MORC1: variants seen among roughly 807,000 people sequenced by gnomAD.
MORC1 encodes MORC family CW-type zinc finger protein 1.
In MORC1, 59 loss-of-function variants were observed where a neutral mutation model predicts 134.9. That is an observed-to-expected ratio of 0.44 (90% CI 0.35 to 0.54). The LOEUF is 0.54. MORC1 is among the 20% of genes least tolerant of loss of function. MORC1 has a pLI of 0.00. For missense variants in MORC1, 947 were observed against 1,134.5 expected, an observed-to-expected ratio of 0.83 and a Z score of 2.37; for synonymous variants, 395 against 391.7, an observed-to-expected ratio of 1.01 and a Z score of -0.10.
intron 8 of MORC1, among the ~76,000 whole-genome samples, chr3:109,083,004 A>G (rs1045130782): frequency 3.9e-5 from 6 of 152,220 alleles, no homozygotes; most frequent in African/African-American, 1.4e-4. Context: ...CAACAGTCAA[A>G]GACAAAGAGA....
chr3:109,039,624 T>C (rs942208551), intron 14 of MORC1, among the ~76,000 whole-genome samples: 8 of 152,144 alleles, frequency 5.3e-5, no homozygotes, highest in Non-Finnish European at 1.5e-5. Flanking sequence ...TCATTTCAGC[T>C]CTCAGCCAGT....
chr3:108,986,240 G>T (rs980143342), intron 22 of MORC1, among the ~76,000 whole-genome samples: 17 of 152,080 alleles, frequency 1.1e-4, no homozygotes, highest in African/African-American at 3.4e-4. Flanking sequence ...AATAACATTA[G>T]AATGCATAAT....
At chr3:109,016,426 A>T (rs546921690) in intron 17 of MORC1, among the ~76,000 whole-genome samples, 1 of 152,188 alleles carries the variant, frequency 6.6e-6, no homozygotes, top group African/African-American at 2.4e-5. Context: ...AAAAAAAGTT[A>T]AGATTTTTAG....
At chr3:109,107,636 G>C (rs1951067427) in intron 3 of MORC1, among the ~76,000 whole-genome samples, 1 of 152,092 alleles carries the variant, frequency 6.6e-6, no homozygotes, top group South Asian at 2.1e-4. Context: ...ACAATAATTC[G>C]AGGCCACAGT....
intron 17 of MORC1, among the ~76,000 whole-genome samples, chr3:109,009,200 T>G (rs1948622265): frequency 7.2e-6 from 1 of 138,136 alleles, no homozygotes; most frequent in African/African-American, 2.8e-5. Flanking sequence ...TTTTTACGTT[T>G]TTTGTTGTTT....
Position 108,971,347 on chromosome 3 carries a change from G to C in MORC1, c.2533C>G (p.Pro845Ala), listed in dbSNP as rs762064085. 9 of 1,613,320 alleles carry C rather than the reference G, an allele frequency of 5.6e-6. No homozygotes were observed. Among genetic ancestry groups the C allele is most frequent in the Non-Finnish European group, 6.8e-6 (8 of 1,179,632 alleles). Residue 845 changes from proline (P) to alanine (A), a missense_variant, in exon 25 of 28, where the codon CCT (proline) becomes GCT (alanine). Around this residue, in one of 3 missense-constraint regions of MORC1, gnomAD observed 722 missense variants for 817.0 expected, o/e 0.88. Transcript: ENST00000232603. ...EHQLPSELEE[P>A]ALSCELEQCP... Reference sequence around the variant, plus strand: ...CAGCTTACCTCACAACTTAATGCAGGTTCTTCCAATTCTGATGGTAGCTGA... The same window carrying C: ...CAGCTTACCTCACAACTTAATGCAGCTTCTTCCAATTCTGATGGTAGCTGA...
intron 8 of MORC1, among the ~76,000 whole-genome samples, chr3:109,080,340 G>A (rs1950499493): frequency 6.6e-6 from 1 of 152,092 alleles, no homozygotes; most frequent in Admixed American, 6.6e-5. Context: ...ATCACATCTT[G>A]TTGGACTTAC....
intron 2 of MORC1, among the ~76,000 whole-genome samples, chr3:109,112,326 T>G (rs1435629744): frequency 6.6e-6 from 1 of 152,214 alleles, no homozygotes; most frequent in Non-Finnish European, 1.5e-5. Flanking sequence ...TCTTTTAATA[T>G]CTTTCAGTTC....
chr3:109,054,961 C>T (rs1949922755), intron 13 of MORC1, 79 bp from the exon 14 acceptor site: 1 of 1,284,986 alleles, frequency 7.8e-7, no homozygotes, highest in Non-Finnish European at 1.1e-6. Context: ...CATTTGAAAT[C>T]ATTTTTTTTT....
At chr3:109,004,054 C>T (rs903861586) in intron 20 of MORC1, among the ~76,000 whole-genome samples, 6 of 151,956 alleles carry the variant, frequency 3.9e-5, no homozygotes, top group African/African-American at 7.3e-5. Context: ...GGCGACAGAG[C>T]GAGACTTCGT....
intron 24 of MORC1, among the ~76,000 whole-genome samples, chr3:108,977,071 G>C (rs185201815): frequency 1.3e-5 from 2 of 152,326 alleles, no homozygotes; most frequent in Non-Finnish European, 2.9e-5. Flanking sequence ...AACACACTCA[G>C]ACAGGTCTCT....
At chr3:109,066,574 C>T (rs1950200676) in intron 9 of MORC1, among the ~76,000 whole-genome samples, 1 of 152,206 alleles carries the variant, frequency 6.6e-6, no homozygotes. Context: ...GCGTGAGCCA[C>T]TGCACCCAGC....
intron 21 of MORC1, among the ~76,000 whole-genome samples, chr3:108,995,652 C>T (rs762762065): frequency 6.6e-6 from 1 of 152,166 alleles, no homozygotes; most frequent in Non-Finnish European, 1.5e-5. Context: ...TGACTGGACT[C>T]TAGCTTGACT....
intron 8 of MORC1, among the ~76,000 whole-genome samples, chr3:109,082,078 G>T (rs761571701): frequency 6.6e-5 from 10 of 151,956 alleles, no homozygotes; most frequent in Admixed American, 2.0e-4. Context: ...TGTTCCACAG[G>T]TCCCTTGGGC....
At chr3:108,984,305 A>G (rs1214945085) in intron 23 of MORC1, among the ~76,000 whole-genome samples, 1 of 152,180 alleles carries the variant, frequency 6.6e-6, no homozygotes, top group Non-Finnish European at 1.5e-5. Flanking sequence ...TAAAATTCTC[A>G]TGTCAAAAAA....
At chr3:109,022,463 C>G (rs12695191) in intron 17 of MORC1, among the ~76,000 whole-genome samples, 138,845 of 152,284 alleles carry the variant, frequency 0.91, 64,216 homozygotes, top group East Asian at 1. Context: ...TCATTTCTGT[C>G]TGTATGTGTG....
intron 8 of MORC1, among the ~76,000 whole-genome samples, chr3:109,085,738 T>G (rs1285766991): frequency 4.6e-5 from 7 of 152,186 alleles, no homozygotes; most frequent in African/African-American, 1.7e-4. Flanking sequence ...TACTATATGA[T>G]CCAGCAATTC....
chr3:109,083,513 G>C (rs1950562096), intron 8 of MORC1, among the ~76,000 whole-genome samples: 1 of 152,108 alleles, frequency 6.6e-6, no homozygotes, highest in Non-Finnish European at 1.5e-5. Flanking sequence ...GCTCACGCCT[G>C]TAATAAGAAG....
chr3:109,079,727 G>C (rs781249937), intron 8 of MORC1, among the ~76,000 whole-genome samples: 10 of 152,098 alleles, frequency 6.6e-5, no homozygotes, highest in African/African-American at 9.6e-5. Context: ...CAGATGATAA[G>C]ACTATACAGA....
Sources: allele counts gnomAD v4.1 joint callset (sites outside exome capture counted in the v4.1 genomes callset), GRCh38; gene constraint gnomAD v4.1.1; regional missense constraint gnomAD v4.1.1; transcripts MANE v1.5; gene names NCBI Gene and HGNC (gene_info 2026-07-23, HGNC 2026-07-21).